AGBL4: variants seen among roughly 807,000 people sequenced by gnomAD.
The protein encoded by AGBL4 is cytosolic carboxypeptidase 6.
In AGBL4, 58 loss-of-function variants were observed where a neutral mutation model predicts 66.4. The ratio of observed to expected loss-of-function variants is 0.87; its 90% CI spans 0.71 to 1.09. AGBL4 has a LOEUF of 1.09. Ranked by LOEUF, AGBL4 falls within the 50% of genes least tolerant of loss-of-function variation. AGBL4 has a pLI of 0.00. For missense variants in AGBL4, 579 were observed against 631.0 expected (o/e 0.92, Z 0.88); for synonymous variants, 234 against 222.9 (o/e 1.05, Z -0.44).
intron 3 of AGBL4, among the ~76,000 whole-genome samples, chr1:49,300,845 T>C (rs927109865): frequency 5.3e-5 from 8 of 152,220 alleles, no homozygotes; most frequent in Admixed American, 2.6e-4. Context: ...AATTATATTG[T>C]AATCCTCATA....
chr1:49,742,081 C>T (rs1050008730), intron 2 of AGBL4, among the ~76,000 whole-genome samples: 23 of 152,232 alleles, frequency 1.5e-4, no homozygotes, highest in African/African-American at 5.5e-4. Context: ...AAATAAAAGG[C>T]ATTCAATTAG....
chr1:49,948,504 T>G (rs1293757999), intron 1 of AGBL4, among the ~76,000 whole-genome samples: 56 of 117,526 alleles, frequency 4.8e-4, no homozygotes, highest in African/African-American at 1.7e-3. Flanking sequence ...AAAATATATA[T>G]AAATATATAA....
intron 6 of AGBL4, among the ~76,000 whole-genome samples, chr1:48,677,290 T>G (rs1487451308): frequency 6.6e-6 from 1 of 152,152 alleles, no homozygotes; most frequent in Non-Finnish European, 1.5e-5. Context: ...TTCCTGCAAG[T>G]AGATTGGATT....
intron 2 of AGBL4, among the ~76,000 whole-genome samples, chr1:49,808,692 G>A (rs1340431544): frequency 2.0e-5 from 3 of 152,026 alleles, no homozygotes; most frequent in African/African-American, 7.2e-5. Context: ...TAAATATTAG[G>A]AGAAAAAGCA....
At chr1:49,990,376 T>C (rs1274358748) in intron 1 of AGBL4, among the ~76,000 whole-genome samples, 1 of 152,086 alleles carries the variant, frequency 6.6e-6, no homozygotes, top group South Asian at 2.1e-4. Context: ...TCTCATGAGA[T>C]CTGATGGTTT....
intron 5 of AGBL4, among the ~76,000 whole-genome samples, chr1:49,021,645 C>T (rs1009569245): frequency 9.2e-5 from 14 of 152,136 alleles, no homozygotes; most frequent in Admixed American, 7.9e-4. Flanking sequence ...TAAAAAATTC[C>T]GGTTTTTAAT....
At chr1:48,700,475 C>T (rs1646784210) in intron 6 of AGBL4, among the ~76,000 whole-genome samples, 1 of 152,198 alleles carries the variant, frequency 6.6e-6, no homozygotes, top group Non-Finnish European at 1.5e-5. Flanking sequence ...AAGGGCTTCA[C>T]TTAAGAGGAA....
chr1:49,183,966 AC>A (rs2148191675), intron 4 of AGBL4, among the ~76,000 whole-genome samples: 1 of 152,294 alleles, frequency 6.6e-6, no homozygotes, highest in African/African-American at 2.4e-5. Flanking sequence ...TTACTTCATT[AC>A]ATATGAAGTG....
intron 4 of AGBL4, among the ~76,000 whole-genome samples, chr1:49,196,614 T>C (rs1647266670): frequency 6.6e-6 from 1 of 152,148 alleles, no homozygotes; most frequent in African/African-American, 2.4e-5. Flanking sequence ...TCTTCATAAC[T>C]GAAGAAATCA....
chr1:49,384,967 G>A (rs1644706306), intron 3 of AGBL4, among the ~76,000 whole-genome samples: 1 of 152,140 alleles, frequency 6.6e-6, no homozygotes, highest in South Asian at 2.1e-4. Flanking sequence ...AATGTCTATT[G>A]GCAGGTGACT....
At chr1:49,523,374 C>T (rs1442399707) in intron 3 of AGBL4, among the ~76,000 whole-genome samples, 2 of 152,036 alleles carry the variant, frequency 1.3e-5, no homozygotes, top group Non-Finnish European at 1.5e-5. Context: ...TTCTTTGTGT[C>T]TCAGATCAAT....
chr1:49,339,215 C>T (rs983009519), intron 3 of AGBL4, among the ~76,000 whole-genome samples: 2 of 152,114 alleles, frequency 1.3e-5, no homozygotes, highest in African/African-American at 2.4e-5. Context: ...CCCAGGCTAA[C>T]TCTAAAATAC....
At chr1:49,711,130 T>G (rs1647633228) in intron 2 of AGBL4, among the ~76,000 whole-genome samples, 1 of 152,030 alleles carries the variant, frequency 6.6e-6, no homozygotes, top group South Asian at 2.1e-4. Context: ...CAACTAGAAG[T>G]TTCATACGTT....
chr1:49,545,282 C>T (rs1319945669), intron 3 of AGBL4, among the ~76,000 whole-genome samples: 1 of 152,152 alleles, frequency 6.6e-6, no homozygotes, highest in Non-Finnish European at 1.5e-5. Context: ...AAACTAAGGG[C>T]AGCCACTAGT....
At chr1:49,739,197 GA>G (rs1650185489) in intron 2 of AGBL4, among the ~76,000 whole-genome samples, 1 of 152,178 alleles carries the variant, frequency 6.6e-6, no homozygotes, top group Non-Finnish European at 1.5e-5. Flanking sequence ...AAGCAATACA[GA>G]GAAGTCCTTA....
At chr1:48,613,337 A>G (rs1053816870) in intron 9 of AGBL4, among the ~76,000 whole-genome samples, 3 of 152,204 alleles carry the variant, frequency 2.0e-5, no homozygotes, top group African/African-American at 7.2e-5. Context: ...CTAAAGAGGC[A>G]AAGTTTCTCA....
At chr1:49,046,615 T>G (rs749105958) in intron 4 of AGBL4, among the ~76,000 whole-genome samples, 2 of 152,194 alleles carry the variant, frequency 1.3e-5, no homozygotes, top group Non-Finnish European at 2.9e-5. Context: ...ATTTATGATA[T>G]CCAACCTCTT....
chr1:49,965,404 C>A (rs1242257796), intron 1 of AGBL4, among the ~76,000 whole-genome samples: 1 of 152,196 alleles, frequency 6.6e-6, no homozygotes, highest in Non-Finnish European at 1.5e-5. Flanking sequence ...GAAAGCATCA[C>A]ATCCATCTTA....
intron 3 of AGBL4, among the ~76,000 whole-genome samples, chr1:49,638,955 G>A (rs1019163392): frequency 2.6e-5 from 4 of 152,112 alleles, no homozygotes; most frequent in Admixed American, 2.0e-4. Context: ...GCTAAGACCT[G>A]GAGTGTAAGG....
Sources: gnomAD v4.1 joint callset for allele counts (sites outside exome capture counted in the v4.1 genomes callset) on GRCh38, gnomAD v4.1.1 for gene constraint, MANE v1.5 for transcripts, NCBI Gene and HGNC (gene_info 2026-07-23, HGNC 2026-07-21) for gene names.